The following DLC1 variants were observed in gnomAD, a reference collection of about 807,000 sequenced individuals.
DLC1 encodes the protein rho GTPase-activating protein 7.
DLC1 carries 54 observed loss-of-function variants against 140.3 expected under a neutral mutation model. That is an observed-to-expected ratio of 0.38 (90% CI 0.31 to 0.48). DLC1 has a LOEUF of 0.48. Among genes scored for constraint, DLC1 ranks in the 20% least tolerant of loss-of-function variants. The pLI is 0.96. For synonymous variants in DLC1, 986 were observed against 728.1 expected, an observed-to-expected ratio of 1.35 and a Z score of -5.70; for missense variants, 2,536 against 1,907.0, an observed-to-expected ratio of 1.33 and a Z score of -6.14.
intron 5 of DLC1, among the ~76,000 whole-genome samples, chr8:13,246,537 T>A (rs1430903629): frequency 1.3e-5 from 2 of 152,170 alleles, no homozygotes; most frequent in African/African-American, 4.8e-5. Flanking sequence ...TGTGATCATC[T>A]GAAATAGAAT....
At chr8:13,395,977 A>T (rs1837023198) in intron 3 of DLC1, among the ~76,000 whole-genome samples, 2 of 152,144 alleles carry the variant, frequency 1.3e-5, no homozygotes, top group Non-Finnish European at 2.9e-5. Context: ...TTGAATGCAT[A>T]ATCATAAGTA....
At chr8:13,385,791 G>T (rs953817218) in intron 4 of DLC1, among the ~76,000 whole-genome samples, 1 of 152,144 alleles carries the variant, frequency 6.6e-6, no homozygotes, top group African/African-American at 2.4e-5. Flanking sequence ...ACCTTTCAAT[G>T]ACTTTAACTG....
rs185228602 is a variant in DLC1 at position 13,508,924 on chromosome 8, A to G, written c.-126+5678T>C. On this transcript the variant is annotated intron_variant, in intron 1 of 17. Coordinates refer to ENST00000276297, the MANE Select transcript of DLC1 (RefSeq NM_182643.3). Reference sequence around the variant, plus strand: ...TGCCATAATATCTCTTTTCTGTAGAACCTCTTACAATAAAGAGAAGTATTG... The same window carrying G: ...TGCCATAATATCTCTTTTCTGTAGAGCCTCTTACAATAAAGAGAAGTATTG... Among the ~76,000 whole-genome samples the G allele has an allele frequency of 9.5e-4, 145 of 152,120 alleles. 1 individual carries two copies. The highest frequency in any genetic ancestry group is 6.8e-3 in the Middle Eastern group (2 of 294).
At chr8:13,429,812 A>G (rs542974912) in intron 2 of DLC1, among the ~76,000 whole-genome samples, 4 of 152,352 alleles carry the variant, frequency 2.6e-5, no homozygotes, top group South Asian at 4.1e-4. Context: ...ATGCCAAAAT[A>G]TTTGTTTGGA....
intron 2 of DLC1, among the ~76,000 whole-genome samples, chr8:13,439,239 G>T (rs1243074505): frequency 6.6e-6 from 1 of 152,108 alleles, no homozygotes; most frequent in East Asian, 1.9e-4. Context: ...CAGGAGAATC[G>T]CTTGAACCCG....
intron 4 of DLC1, among the ~76,000 whole-genome samples, chr8:13,315,674 G>T (rs1329731528): frequency 1.3e-5 from 2 of 152,236 alleles, no homozygotes; most frequent in African/African-American, 4.8e-5. Flanking sequence ...CCCGTATTTT[G>T]TTTGTTAATT....
intron 2 of DLC1, among the ~76,000 whole-genome samples, chr8:13,478,552 G>C (rs1000838913): frequency 1.3e-5 from 2 of 152,096 alleles, no homozygotes; most frequent in African/African-American, 4.8e-5. Context: ...AAAAATGCAA[G>C]ACATCCCGTT....
At chr8:13,088,883 G>C in intron 15 of DLC1, 179 bp from the exon 16 acceptor site, 3 of 561,480 alleles carry the variant, frequency 5.3e-6, no homozygotes, top group Non-Finnish European at 9.2e-6. Flanking sequence ...ATAAATCTAT[G>C]ACTTAAATAG....
intron 4 of DLC1, among the ~76,000 whole-genome samples, chr8:13,370,445 C>G (rs993147049): frequency 6.6e-6 from 1 of 152,152 alleles, no homozygotes; most frequent in Non-Finnish European, 1.5e-5. Flanking sequence ...GTGCTCATCT[C>G]ATGTCTAAAA....
At chr8:13,378,252 T>C (rs1836089245) in intron 4 of DLC1, among the ~76,000 whole-genome samples, 1 of 149,928 alleles carries the variant, frequency 6.7e-6, no homozygotes, top group Non-Finnish European at 1.5e-5. Context: ...CAGAAAAAAA[T>C]CTTAGTAATT....
rs945322356 is a variant in DLC1 at position 13,521,425 on chromosome 8, C to T, written c.-125-21229G>A. Among the ~76,000 whole-genome samples the T allele has an allele frequency of 3.9e-5, 6 of 151,930 alleles. No homozygotes were observed. The East Asian group carries it at 7.7e-4, about 20-fold the overall frequency. On this transcript the variant is annotated intron_variant, in intron 1 of 1. Transcript: ENST00000631382. Reference sequence around the variant, plus strand: ...CTTAAAATTAAAAAAAAAAAAAGTTCCCTTGCCATGGTTGGCTTAGAGCCC... The same window carrying T: ...CTTAAAATTAAAAAAAAAAAAAGTTTCCTTGCCATGGTTGGCTTAGAGCCC...
intron 2 of DLC1, among the ~76,000 whole-genome samples, chr8:13,410,615 T>A (rs534131243): frequency 2.0e-5 from 3 of 149,990 alleles, no homozygotes; most frequent in Admixed American, 6.7e-5. Flanking sequence ...ATAAAATACC[T>A]AGAAGTAACT....
intron 1 of DLC1, among the ~76,000 whole-genome samples, chr8:13,573,713 T>C (rs759616998): frequency 1.3e-5 from 2 of 152,178 alleles, no homozygotes; most frequent in Non-Finnish European, 2.9e-5. Context: ...AATCTTGTAG[T>C]TTGGCATATG....
chr8:13,352,760 A>G (rs540890456), intron 4 of DLC1, among the ~76,000 whole-genome samples: 1 of 152,234 alleles, frequency 6.6e-6, no homozygotes, highest in Admixed American at 6.5e-5. Context: ...TTTTTTGGAG[A>G]GGAAGAATCG....
chr8:13,401,254 T>G lies in DLC1; in HGVS notation c.1173+216A>C, dbSNP rs1029589892. 7.2e-5 allele frequency among the ~76,000 whole-genome samples: 11 copies of G among 152,358 alleles called. No individual in the cohort carries two copies. In the South Asian group the frequency reaches 8.3e-4, roughly 11 times the overall value. On this transcript the variant is annotated intron_variant, in intron 3 of 17. Transcript: ENST00000276297. ...TTCCTGTTTAATGATAAACAAGTTC[T>G]TTTGTATCACCCATTTCTCTGTGGC...
intron 5 of DLC1, among the ~76,000 whole-genome samples, chr8:13,274,334 CAT>C (rs1160986594): frequency 6.6e-6 from 1 of 152,202 alleles, no homozygotes; most frequent in Non-Finnish European, 1.5e-5. Context: ...AGTCAGTTGT[CAT>C]AGCCAAAGTC....
At chr8:13,562,811 C>T (rs1804288136) in intron 1 of DLC1, among the ~76,000 whole-genome samples, 2 of 151,710 alleles carry the variant, frequency 1.3e-5, no homozygotes, top group Non-Finnish European at 2.9e-5. Context: ...AAATACATTA[C>T]ATTTCTACAA....
intron 7 of DLC1, among the ~76,000 whole-genome samples, chr8:13,109,273 T>A (rs1248750088): frequency 6.6e-6 from 1 of 151,900 alleles, no homozygotes; most frequent in African/African-American, 2.4e-5. Flanking sequence ...AAAAAAATAC[T>A]GAGATGGGGT....
chr8:13,147,364 T>C (rs948772311), intron 5 of DLC1, among the ~76,000 whole-genome samples: 3 of 152,226 alleles, frequency 2.0e-5, no homozygotes, highest in Non-Finnish European at 4.4e-5. Context: ...ATTGAGTATT[T>C]CTCTGTGCTA....
Sources: gnomAD v4.1 joint callset for allele counts (sites outside exome capture counted in the v4.1 genomes callset) on GRCh38, gnomAD v4.1.1 for gene constraint, MANE v1.5 for transcripts, NCBI Gene and HGNC (gene_info 2026-07-23, HGNC 2026-07-21) for gene names.